Variants in SRPK2 observed in about 807,000 individuals in gnomAD.
SRPK2 encodes the protein SRSF protein kinase 2.
In SRPK2, 21 loss-of-function variants were observed where a neutral mutation model predicts 90.8. The observed-to-expected ratio is 0.23, with a 90% confidence interval of 0.16 to 0.33. SRPK2 has a LOEUF of 0.33. Ranked by LOEUF, SRPK2 falls within the 10% of genes least tolerant of loss-of-function variation. The probability of loss-of-function intolerance (pLI) is 1.00; values close to 1 mark genes in which losing one functional copy is unlikely to be tolerated. For missense variants in SRPK2, 620 were observed against 869.0 expected (o/e 0.71, Z 3.60); for synonymous variants, 288 against 311.1 (o/e 0.93, Z 0.78).
intron 2 of SRPK2, among the ~76,000 whole-genome samples, chr7:105,241,331 A>G (rs889627284): frequency 6.6e-6 from 1 of 151,884 alleles, no homozygotes; most frequent in African/African-American, 2.4e-5. Context: ...GAGAAACTGG[A>G]CTCCGGAGAA....
chr7:105,382,037 A>T (rs966151205), intron 2 of SRPK2, among the ~76,000 whole-genome samples: 1 of 152,112 alleles, frequency 6.6e-6, no homozygotes, highest in African/African-American at 2.4e-5. Context: ...GCGTGGTGGC[A>T]CATGCCTGTA....
intron 2 of SRPK2, among the ~76,000 whole-genome samples, chr7:105,340,628 G>A (rs1815657318): frequency 6.6e-6 from 1 of 151,944 alleles, no homozygotes; most frequent in African/African-American, 2.4e-5. Context: ...TCTTTTTGTA[G>A]AGACTAGGTT....
At chr7:105,319,600 G>A (rs1812706922) in intron 2 of SRPK2, among the ~76,000 whole-genome samples, 1 of 142,646 alleles carries the variant, frequency 7.0e-6, no homozygotes, top group South Asian at 2.3e-4. Flanking sequence ...AACTAAATAT[G>A]GCCTGAGAAG....
At chr7:105,240,816 T>C (rs1365631007) in intron 2 of SRPK2, among the ~76,000 whole-genome samples, 1 of 152,172 alleles carries the variant, frequency 6.6e-6, no homozygotes, top group Non-Finnish European at 1.5e-5. Flanking sequence ...GGGCCTTCAA[T>C]TTCCACAAAT....
intron 2 of SRPK2, among the ~76,000 whole-genome samples, chr7:105,270,179 G>A (rs1011253636): frequency 6.6e-6 from 1 of 152,168 alleles, no homozygotes; most frequent in Admixed American, 6.5e-5. Context: ...TATAAAAGCG[G>A]CATGAATACC....
chr7:105,331,023 C>T (rs568712425), intron 2 of SRPK2, among the ~76,000 whole-genome samples: 4 of 151,952 alleles, frequency 2.6e-5, no homozygotes, highest in East Asian at 3.9e-4. Context: ...AAAAGAAGGC[C>T]GGGCACGATG....
At chr7:105,278,717 A>G (rs1806856583) in intron 2 of SRPK2, among the ~76,000 whole-genome samples, 3 of 150,598 alleles carry the variant, frequency 2.0e-5, no homozygotes, top group Admixed American at 1.3e-4. Flanking sequence ...GGAAAGAGGA[A>G]AGGGGAAAGG....
intron 2 of SRPK2, among the ~76,000 whole-genome samples, chr7:105,345,324 G>A (rs914601536): frequency 6.6e-6 from 1 of 152,140 alleles, no homozygotes. Context: ...TTCTATTGAT[G>A]TCAAATGTCA....
At chr7:105,268,730 G>GA (rs202165729) in intron 2 of SRPK2, 1,548 of 1,462,230 alleles carry the variant, frequency 1.1e-3, no homozygotes, top group South Asian at 1.7e-3. Flanking sequence ...AACTTGACAA[G>GA]AAAAAAAAAT....
At chr7:105,162,051 T>C (rs922586501) in intron 6 of SRPK2, among the ~76,000 whole-genome samples, 3 of 151,734 alleles carry the variant, frequency 2.0e-5, no homozygotes, top group Non-Finnish European at 4.4e-5. Context: ...CCCAGCTTAA[T>C]TTTTTTTTGA....
intron 2 of SRPK2, among the ~76,000 whole-genome samples, chr7:105,354,083 G>A (rs1024769389): frequency 2.6e-5 from 4 of 152,208 alleles, no homozygotes; most frequent in Non-Finnish European, 4.4e-5. Flanking sequence ...TGGCCTTCGA[G>A]GAGCAGCCAG....
chr7:105,126,866 G>A (rs984143682), intron 14 of SRPK2, 127 bp downstream of exon 14: 2 of 898,552 alleles, frequency 2.2e-6, no homozygotes, highest in African/African-American at 3.3e-5. Flanking sequence ...CAAAGGAAAA[G>A]CATCTGAATT....
intron 2 of SRPK2, among the ~76,000 whole-genome samples, chr7:105,333,864 C>G (rs1814738118): frequency 1.3e-5 from 2 of 152,134 alleles, no homozygotes; most frequent in African/African-American, 4.8e-5. Flanking sequence ...TAAATATACA[C>G]AGATTTCTTC....
intron 2 of SRPK2, among the ~76,000 whole-genome samples, chr7:105,333,323 T>C (rs138196767): frequency 6.6e-6 from 1 of 152,360 alleles, no homozygotes; most frequent in Admixed American, 6.5e-5. Context: ...ATGTTTATTG[T>C]AACAAATATT....
intron 13 of SRPK2, among the ~76,000 whole-genome samples, chr7:105,129,330 TACA>T (rs1801659538): frequency 6.6e-6 from 1 of 152,152 alleles, no homozygotes; most frequent in Non-Finnish European, 1.5e-5. Flanking sequence ...CTCTTAACAA[TACA>T]ACATGTACAA....
chr7:105,362,447 G>A (rs958713893), intron 2 of SRPK2, among the ~76,000 whole-genome samples: 1 of 151,386 alleles, frequency 6.6e-6, no homozygotes, highest in Non-Finnish European at 1.5e-5. Flanking sequence ...AACCCAGGAG[G>A]CAGAGCTTGT....
At chr7:105,391,410 G>C (rs1228561552), upstream of SRPK2, among the ~76,000 whole-genome samples, 3 of 152,094 alleles carry the variant, frequency 2.0e-5, no homozygotes, top group Non-Finnish European at 4.4e-5. Flanking sequence ...TCTCCATGTT[G>C]GTCAGGATGG....
At chr7:105,131,722 G>GA (rs568928159) in intron 13 of SRPK2, among the ~76,000 whole-genome samples, 86 of 152,234 alleles carry the variant, frequency 5.6e-4, no homozygotes, top group African/African-American at 1.9e-3. Context: ...ATTAACCTCT[G>GA]AATAACAGAA....
upstream of SRPK2, chr7:105,388,932 C>G (rs1419946740): frequency 1.7e-6 from 2 of 1,194,048 alleles, no homozygotes; most frequent in South Asian, 4.0e-5. Flanking sequence ...GCGCCGCCGC[C>G]GCCGCCGCCG....
Sources: allele counts gnomAD v4.1 joint callset (sites outside exome capture counted in the v4.1 genomes callset), GRCh38; gene constraint gnomAD v4.1.1; transcripts MANE v1.5; gene names NCBI Gene and HGNC (gene_info 2026-07-23, HGNC 2026-07-21).